GPD2: variants seen among roughly 807,000 people sequenced by gnomAD.
GPD2 encodes the protein glycerol-3-phosphate dehydrogenase, mitochondrial.
A neutral mutation model predicts 82.4 loss-of-function variants in GPD2; 54 were observed. The observed-to-expected ratio is 0.66, with a 90% confidence interval of 0.53 to 0.82. The LOEUF is 0.82. GPD2 is among the 40% of genes least tolerant of loss of function. The pLI, the probability that GPD2 is intolerant of heterozygous loss-of-function variation, is 0.00. For missense variants in GPD2, 748 were observed against 896.2 expected (o/e 0.83, Z 2.11); for synonymous variants, 288 against 306.1 (o/e 0.94, Z 0.62).
chr2:156,434,188 C>G (rs1186784133), upstream of GPD2, among the ~76,000 whole-genome samples: 1 of 152,180 alleles, frequency 6.6e-6, no homozygotes, highest in East Asian at 1.9e-4. Flanking sequence ...ACTGTAACCT[C>G]TGCCTCCCAG....
At chr2:156,424,130 C>T in the GPD2 span, among the ~76,000 whole-genome samples, 11 of 151,560 alleles carry the variant, frequency 7.3e-5, no homozygotes, top group Admixed American at 6.6e-5. Context: ...ATCCAGGAAG[C>T]TCGCCTATGT....
At chr2:156,424,139 G>A in the GPD2 span, among the ~76,000 whole-genome samples, 2 of 150,752 alleles carry the variant, frequency 1.3e-5, no homozygotes, top group Non-Finnish European at 2.9e-5. Context: ...GCTCGCCTAT[G>A]TCTAATACCT....
intron 6 of GPD2, among the ~76,000 whole-genome samples, chr2:156,536,001 G>A (rs1246031032): frequency 6.6e-6 from 1 of 152,162 alleles, no homozygotes; most frequent in Non-Finnish European, 1.5e-5. Context: ...GATATTAGTG[G>A]CTTATTTATT....
chr2:156,418,952 T>C, the GPD2 span, among the ~76,000 whole-genome samples: 1 of 151,496 alleles, frequency 6.6e-6, no homozygotes, highest in African/African-American at 2.4e-5. Flanking sequence ...AGGGAGAGAC[T>C]GTGGGGTGTG....
At chr2:156,513,303 G>A (rs148506673) in intron 5 of GPD2, 30 bp from the exon 6 acceptor site, 3 of 1,522,466 alleles carry the variant, frequency 2.0e-6, no homozygotes, top group African/African-American at 2.7e-5. Flanking sequence ...CTCTGTTTCT[G>A]AAGAACTTTC....
chr2:156,451,113 T>C (rs990107624), intron 1 of GPD2, among the ~76,000 whole-genome samples: 1 of 149,718 alleles, frequency 6.7e-6, no homozygotes, highest in Admixed American at 6.6e-5. Context: ...TTTCCCCACC[T>C]TTCCCCCCGT....
chr2:156,466,828 G>A (rs1012557030), intron 1 of GPD2, among the ~76,000 whole-genome samples: 1 of 151,992 alleles, frequency 6.6e-6, no homozygotes, highest in African/African-American at 2.4e-5. Flanking sequence ...TCCTTCTTTT[G>A]TACCTTTTAC....
At chr2:156,429,554 C>G in the GPD2 span, among the ~76,000 whole-genome samples, 1 of 152,220 alleles carries the variant, frequency 6.6e-6, no homozygotes, top group South Asian at 2.1e-4. Flanking sequence ...GCCTTTAAAT[C>G]TAAGTAAGTT....
intron 9 of GPD2, among the ~76,000 whole-genome samples, chr2:156,563,986 C>T (rs556744307): frequency 6.6e-6 from 1 of 152,248 alleles, no homozygotes; most frequent in Admixed American, 6.5e-5. Flanking sequence ...GAGCTATGTA[C>T]AGAATGTCTC....
Position 156,462,748 on chromosome 2 carries a change from G to C in GPD2, c.-8-13350G>C, listed in dbSNP as rs563296309. ...AAAGATCCCTGAAGAGTTAGAGCCA[G>C]AACATTGAAAACCAAGTGTTAAAAT... On this transcript the variant is annotated intron_variant, in intron 1 of 16. Coordinates refer to ENST00000438166, the MANE Select transcript of GPD2 (RefSeq NM_000408.5). Among the ~76,000 whole-genome samples the C allele has an allele frequency of 2.6e-5, 4 of 152,270 alleles. No homozygotes were observed. The East Asian group carries it at 5.8e-4, about 22-fold the overall frequency.
chr2:156,424,063 A>G, the GPD2 span, among the ~76,000 whole-genome samples: 1 of 152,194 alleles, frequency 6.6e-6, no homozygotes, highest in Non-Finnish European at 1.5e-5. Context: ...TAATTAGCTA[A>G]TAAAGCAAAC....
At chr2:156,541,702 G>A (rs1686317648) in intron 6 of GPD2, among the ~76,000 whole-genome samples, 1 of 151,970 alleles carries the variant, frequency 6.6e-6, no homozygotes, top group East Asian at 1.9e-4. Flanking sequence ...CCATATAACT[G>A]CATAGCCTGT....
chr2:156,557,621 A>G (rs1687012760), intron 9 of GPD2, 39 bp downstream of exon 9: 5 of 1,113,250 alleles, frequency 4.5e-6, no homozygotes, highest in African/African-American at 1.5e-5. Context: ...CTCTGTGTCC[A>G]TATCTCCCAA....
chr2:156,436,720 T>G (rs1222288497), intron 1 of GPD2: 2 of 152,126 alleles, frequency 1.3e-5, no homozygotes, highest in Non-Finnish European at 2.9e-5. Context: ...GGAGGCGGCA[T>G]TTGTAAAATA....
intron 1 of GPD2, among the ~76,000 whole-genome samples, chr2:156,452,028 G>T (rs1404473860): frequency 2.6e-5 from 4 of 151,572 alleles, no homozygotes; most frequent in Admixed American, 6.6e-5. Flanking sequence ...TCTCTTCCTA[G>T]ATGGGATGGC....
intron 2 of GPD2, among the ~76,000 whole-genome samples, chr2:156,480,505 G>A (rs1197710372): frequency 6.6e-6 from 1 of 151,938 alleles, no homozygotes; most frequent in Non-Finnish European, 1.5e-5. Flanking sequence ...ATGTGATGAT[G>A]TAGGCTTTTC....
chr2:156,431,571 A>T (rs932218977), upstream of GPD2, among the ~76,000 whole-genome samples: 2 of 152,008 alleles, frequency 1.3e-5, no homozygotes, highest in Admixed American at 1.3e-4. Context: ...CCACTTCTCC[A>T]TGAAAGTATC....
chr2:156,549,550 C>G, intron 6 of GPD2, 58 bp from the exon 7 acceptor site: 1 of 1,449,906 alleles, frequency 6.9e-7, no homozygotes, highest in South Asian at 1.1e-5. Context: ...ACTTTTGTAC[C>G]ACCAGTCTGT....
chr2:156,570,441 G>A (rs1193126600), intron 12 of GPD2, among the ~76,000 whole-genome samples: 2 of 152,022 alleles, frequency 1.3e-5, no homozygotes, highest in Admixed American at 1.3e-4. Context: ...TAAAATATAG[G>A]TTTCTTTTTT....
Sources: allele counts gnomAD v4.1 joint callset (sites outside exome capture counted in the v4.1 genomes callset), GRCh38; gene constraint gnomAD v4.1.1; transcripts MANE v1.5; gene names NCBI Gene and HGNC (gene_info 2026-07-23, HGNC 2026-07-21).